JARID2: variants seen among roughly 807,000 people sequenced by gnomAD.
JARID2 encodes the protein protein Jumonji.
Under a neutral mutation model 125.6 loss-of-function variants are expected in JARID2, and 21 were observed. The observed-to-expected ratio is 0.17, with a 90% CI of 0.12 to 0.24. The LOEUF is 0.24. JARID2 is among the 10% of genes least tolerant of loss of function. JARID2 has a pLI of 1.00. For synonymous variants in JARID2, 736 were observed against 661.6 expected (o/e 1.11, Z -1.73); for missense variants, 1,303 against 1,639.6 (o/e 0.79, Z 3.55).
chr6:15,497,085 C>A lies in JARID2; in HGVS notation c.1860C>A (p.Arg620=), dbSNP rs1431515093. The part of the protein sequence containing the change: ...QIQHIHKLGR[R]WGPNVQRLAC... ...AGCACATCCACAAGCTGGGCCGGCG[C>A]TGGGGCCCCAACGTGCAGCGGCTGG... Residue 620 remains arginine, a synonymous_variant, in exon 7 of 18, where the codon CGC becomes CGA. Coordinates refer to ENST00000341776, the MANE Select transcript of JARID2 (RefSeq NM_004973.4). The A allele has an allele frequency of 3.1e-6, 5 of 1,593,666 alleles. No homozygotes were observed.
rs547273838 is a variant in JARID2, at chr6:15,256,181, G to A, written c.45+9597G>A. Among the ~76,000 whole-genome samples the A allele has an allele frequency of 4.6e-5, 7 of 152,306 alleles. No homozygotes were observed. In the South Asian group the frequency reaches 1.2e-3, roughly 27 times the overall value. ...CCAACCTGGAGACATCAGGCCTGCC[G>A]GCGGCCTTCCTAGCTGACTCAGATA... is the stretch of plus-strand genomic sequence containing the variant. On this transcript the variant is annotated intron_variant, in intron 1 of 17. Coordinates refer to ENST00000341776, the MANE Select transcript of JARID2 (RefSeq NM_004973.4).
chr6:15,280,368 TAA>T, intron 1 of JARID2, among the ~76,000 whole-genome samples: 1 of 152,290 alleles, frequency 6.6e-6, no homozygotes, highest in Admixed American at 6.5e-5. Flanking sequence ...AGAAAAAAAT[TAA>T]GTTTTGGATA....
At chr6:15,276,658 G>T (rs942142084) in intron 1 of JARID2, among the ~76,000 whole-genome samples, 1 of 152,148 alleles carries the variant, frequency 6.6e-6, no homozygotes, top group Non-Finnish European at 1.5e-5. Context: ...TTAGGTCGGA[G>T]ATCTTTTTTC....
At chr6:15,274,431 T>A (rs142890393) in intron 1 of JARID2, among the ~76,000 whole-genome samples, 109 of 152,346 alleles carry the variant, frequency 7.2e-4, no homozygotes, top group African/African-American at 2.5e-3. Flanking sequence ...AACATTTATA[T>A]GCATTATTTA....
In JARID2 at chr6:15,246,538, G is replaced by T; in HGVS notation, c.-2G>T. Reference sequence around the variant, plus strand: ...TTTTGCAATCAGCATTTGGATCTCAGAATGAGCAAGGAAAGACCCAAGAGG... The same window carrying T: ...TTTTGCAATCAGCATTTGGATCTCATAATGAGCAAGGAAAGACCCAAGAGG... On this transcript the variant is annotated 5_prime_UTR_variant, in exon 1 of 18. Transcript: ENST00000341776. The T allele has an allele frequency of 6.2e-7, 1 of 1,613,304 alleles. No individual in the cohort carries two copies.
chr6:15,409,118 T>G (rs1042792416), intron 2 of JARID2, among the ~76,000 whole-genome samples: 2 of 152,220 alleles, frequency 1.3e-5, no homozygotes, highest in Admixed American at 1.3e-4. Flanking sequence ...TGTTTATGTA[T>G]TTTTTAATCA....
intron 3 of JARID2, among the ~76,000 whole-genome samples, chr6:15,418,213 C>A (rs1460668278): frequency 1.6e-5 from 2 of 127,476 alleles, no homozygotes; most frequent in African/African-American, 3.1e-5. Flanking sequence ...TAACTATATT[C>A]CTCTTTTTTT....
chr6:15,366,135 C>G (rs978593416), intron 1 of JARID2, among the ~76,000 whole-genome samples: 5 of 152,078 alleles, frequency 3.3e-5, no homozygotes, highest in African/African-American at 1.2e-4. Flanking sequence ...CAAAGTGTTG[C>G]TGGAACAGGT....
intron 1 of JARID2, among the ~76,000 whole-genome samples, chr6:15,250,104 C>G (rs761462214): frequency 1.3e-5 from 2 of 152,160 alleles, no homozygotes; most frequent in Non-Finnish European, 2.9e-5. Context: ...AGCATGAAAA[C>G]AAATTGCCAG....
intron 12 of JARID2, 78 bp from the exon 13 acceptor site, chr6:15,511,218 G>A (rs1771262953): frequency 1.0e-6 from 1 of 976,886 alleles, no homozygotes; most frequent in Admixed American, 1.7e-5. Context: ...GGTCCCTGAG[G>A]GTGACGGGGG....
At chr6:15,362,138 C>T (rs931824867) in intron 1 of JARID2, among the ~76,000 whole-genome samples, 4 of 151,962 alleles carry the variant, frequency 2.6e-5, no homozygotes, top group South Asian at 2.1e-4. Flanking sequence ...CTGCGCCCCC[C>T]CCGCCTCCCA....
intron 1 of JARID2, among the ~76,000 whole-genome samples, chr6:15,307,021 C>T (rs1214419565): frequency 1.3e-5 from 2 of 151,298 alleles, no homozygotes; most frequent in East Asian, 4.0e-4. Flanking sequence ...GTAGGCGGAT[C>T]ACAAGGTTAG....
At chr6:15,342,152 A>T (rs1163622278) in intron 1 of JARID2, among the ~76,000 whole-genome samples, 1 of 152,220 alleles carries the variant, frequency 6.6e-6, no homozygotes, top group Non-Finnish European at 1.5e-5. Context: ...GCACATGCTC[A>T]GTCTCTCAAA....
chr6:15,429,413 A>G (rs776885242), intron 3 of JARID2, among the ~76,000 whole-genome samples: 5 of 152,140 alleles, frequency 3.3e-5, no homozygotes, highest in Middle Eastern at 6.8e-3. Flanking sequence ...CCACAGGCAC[A>G]TGCCACCATG....
At chr6:15,447,448 C>T (rs1197022398) in intron 3 of JARID2, among the ~76,000 whole-genome samples, 1 of 152,184 alleles carries the variant, frequency 6.6e-6, no homozygotes, top group Non-Finnish European at 1.5e-5. Context: ...GGACACACAC[C>T]TTCTCTGGGG....
intron 3 of JARID2, among the ~76,000 whole-genome samples, chr6:15,419,217 A>G (rs1191797916): frequency 1.3e-5 from 2 of 152,200 alleles, no homozygotes; most frequent in African/African-American, 4.8e-5. Context: ...TTTGGAGTTT[A>G]TTTTGTTCTT....
intron 1 of JARID2, among the ~76,000 whole-genome samples, chr6:15,342,521 T>C (rs1481457312): frequency 1.3e-5 from 2 of 152,234 alleles, no homozygotes; most frequent in Admixed American, 6.5e-5. Context: ...CTAATTAGAA[T>C]TAGTTTGATC....
At chr6:15,394,250 C>T (rs2127545601) in intron 2 of JARID2, among the ~76,000 whole-genome samples, 1 of 152,258 alleles carries the variant, frequency 6.6e-6, no homozygotes, top group African/African-American at 2.4e-5. Context: ...GCTTACGCAG[C>T]CCTGGATTGG....
intron 1 of JARID2, among the ~76,000 whole-genome samples, chr6:15,317,817 C>T (rs919128619): frequency 2.0e-5 from 3 of 152,126 alleles, no homozygotes; most frequent in African/African-American, 2.4e-5. Context: ...ACAGCTGGCG[C>T]GTGGAGAGCC....
Sources: allele counts gnomAD v4.1 joint callset (sites outside exome capture counted in the v4.1 genomes callset), GRCh38; gene constraint gnomAD v4.1.1; transcripts MANE v1.5; gene names NCBI Gene and HGNC (gene_info 2026-07-23, HGNC 2026-07-21).